FOXP4: variants seen among roughly 807,000 people sequenced by gnomAD.
FOXP4 encodes forkhead box P4, also known as forkhead box protein P4.
Under a neutral mutation model 82.6 loss-of-function variants are expected in FOXP4, and 25 were observed. The ratio of observed to expected loss-of-function variants is 0.30; its 90% CI spans 0.22 to 0.42. FOXP4 has a LOEUF of 0.42. Ranked by LOEUF, FOXP4 falls within the 10% of genes least tolerant of loss-of-function variation. The pLI is 1.00. For missense variants in FOXP4, 785 were observed against 900.9 expected (o/e 0.87, Z 1.65); for synonymous variants, 415 against 388.2 (o/e 1.07, Z -0.81).
At position 41,598,917 on chromosome 6, in the gene FOXP4, C is replaced by A; in HGVS notation, c.2024C>A (p.Pro675Gln). ...GACAGGGACCTGGAGGAGGAGCTGCCGGGAGAAGAACTGTCCTAAGGGCCT... is the reference window on the plus strand; with the variant it reads ...GACAGGGACCTGGAGGAGGAGCTGCAGGGAGAAGAACTGTCCTAAGGGCCT... Reference protein sequence around the residue: ...PEDRDLEEELPGEELS With the variant: ...PEDRDLEEELQGEELS The change falls in exon 17 of 17, where the codon CCG becomes CAG. Residue 675 changes from proline to glutamine, a missense_variant. Physicochemically the swap from Pro to Gln is moderately conservative, Grantham distance 76. Transcript: ENST00000307972. 3 of 1,607,820 alleles carry A rather than the reference C, an allele frequency of 1.9e-6. No homozygotes were observed. The highest frequency in any genetic ancestry group is 2.5e-6 in the Non-Finnish European group (3 of 1,178,140).
At chr6:41,566,698 A>T (rs1764900241) in intron 2 of FOXP4, among the ~76,000 whole-genome samples, 1 of 152,222 alleles carries the variant, frequency 6.6e-6, no homozygotes, top group Non-Finnish European at 1.5e-5. Context: ...GTCATGCTCA[A>T]CAAGTTGAGG....
At chr6:41,573,843 T>A (rs1262902810) in intron 2 of FOXP4, among the ~76,000 whole-genome samples, 3 of 152,126 alleles carry the variant, frequency 2.0e-5, no homozygotes, top group Admixed American at 6.5e-5. Context: ...AGATCTCTCT[T>A]GACGTCCATG....
intron 1 of FOXP4, among the ~76,000 whole-genome samples, chr6:41,549,346 A>G (rs533635418): frequency 2.0e-4 from 30 of 152,208 alleles, no homozygotes; most frequent in African/African-American, 7.2e-4. Flanking sequence ...AGCATTTGCA[A>G]AGGGTCCCAC....
intron 1 of FOXP4, among the ~76,000 whole-genome samples, chr6:41,560,982 C>T (rs557815662): frequency 6.6e-6 from 1 of 152,314 alleles, no homozygotes; most frequent in Admixed American, 6.5e-5. Context: ...TCGTCACTTC[C>T]GGCCAGGGAG....
At chr6:41,567,698 T>C (rs1226412334) in intron 2 of FOXP4, among the ~76,000 whole-genome samples, 1 of 152,214 alleles carries the variant, frequency 6.6e-6, no homozygotes, top group Non-Finnish European at 1.5e-5. Flanking sequence ...TCTGGATAAC[T>C]GGGGAAATGT....
At chr6:41,572,005 T>C (rs894527232) in intron 2 of FOXP4, among the ~76,000 whole-genome samples, 1 of 152,186 alleles carries the variant, frequency 6.6e-6, no homozygotes, top group Non-Finnish European at 1.5e-5. Context: ...CAGCAGTAAG[T>C]ATCTACCCCG....
chr6:41,588,302 CGT>C (rs1766282210), intron 8 of FOXP4, among the ~76,000 whole-genome samples: 1 of 152,174 alleles, frequency 6.6e-6, no homozygotes, highest in African/African-American at 2.4e-5. Context: ...CTGCCACAGC[CGT>C]GCCAGGCTCT....
At position 41,600,496 on chromosome 6, in the gene FOXP4, A is replaced by T. The variant is rs1033722726; in HGVS notation, c.*1560A>T. ...AAGACTCCTTGGATATTTCCCAAGA[A>T]CCCCCCACATACACCCCTCACAAGC... is the stretch of plus-strand genomic sequence containing the variant. On this transcript the variant is annotated 3_prime_UTR_variant, in exon 17 of 17. Transcript: ENST00000307972. 6.6e-6 allele frequency: 1 copy of T among 151,076 alleles called. No homozygotes were observed. Among genetic ancestry groups the T allele is most frequent in the Admixed American group, 6.6e-5 (1 of 15,166 alleles). The allele number at this position is 151,076 out of a possible 1,614,324, so 9.4% of individuals were successfully genotyped here. A position where few individuals can be genotyped will look rare whatever the true frequency, so the allele number is the denominator to read the frequency against.
intron 1 of FOXP4, among the ~76,000 whole-genome samples, chr6:41,554,125 A>G (rs890266583): frequency 6.6e-5 from 10 of 152,172 alleles, no homozygotes; most frequent in Admixed American, 3.3e-4. Flanking sequence ...TTCTCCAGGC[A>G]GTGGTAATTA....
intron 9 of FOXP4, 143 bp downstream of exon 9, chr6:41,588,874 T>A (rs988683930): frequency 1.1e-6 from 1 of 899,364 alleles, no homozygotes; most frequent in Non-Finnish European, 1.7e-6. Flanking sequence ...GCTTTCTAGG[T>A]CCTAATGACC....
intron 3 of FOXP4, 54 bp downstream of exon 3, chr6:41,578,135 C>A: frequency 1.3e-6 from 2 of 1,485,154 alleles, no homozygotes; most frequent in Non-Finnish European, 1.9e-6. Flanking sequence ...GTGGGCCTGG[C>A]ACAGAGGGAG....
At chr6:41,597,309 C>A in intron 15 of FOXP4, 67 bp downstream of exon 15, 2 of 1,506,500 alleles carry the variant, frequency 1.3e-6, no homozygotes. Context: ...TACAAGAGAC[C>A]CCCATCCTCC....
rs752352374 is a variant in FOXP4 at position 41,584,795 on chromosome 6, G to A, written c.327G>A (p.Ser109=). The A allele has an allele frequency of 1.0e-5, 16 of 1,598,008 alleles. No individual in the cohort carries two copies. The South Asian group carries it at 1.2e-4, about 12-fold the overall frequency. ...VQVPVSVAMM[S]PQMLTPQQMQ... ...TGCCTGTGTCGGTGGCCATGATGTC[G>A]CCGCAGATGCTTACCCCGCAACAGA... The change falls in exon 4 of 17, where the codon TCG becomes TCA. Residue 109 remains serine, a synonymous_variant. Coordinates refer to ENST00000307972, the MANE Select transcript of FOXP4 (RefSeq NM_001012426.2).
chr6:41,596,667 G>A (rs1057172529), intron 14 of FOXP4, among the ~76,000 whole-genome samples: 8 of 152,074 alleles, frequency 5.3e-5, no homozygotes, highest in East Asian at 1.9e-4. Context: ...ACACCTTCCC[G>A]TGCAGAGAAG....
chr6:41,589,453 C>A (rs117886915), intron 9 of FOXP4, among the ~76,000 whole-genome samples: 25 of 152,360 alleles, frequency 1.6e-4, no homozygotes, highest in Non-Finnish European at 2.5e-4. Flanking sequence ...TGGCCGCCCC[C>A]CCGTGGGTGG....
intron 7 of FOXP4, 65 bp from the exon 8 acceptor site, chr6:41,587,728 G>C: frequency 1.7e-6 from 2 of 1,156,868 alleles, no homozygotes. Context: ...CTGGTGCTCA[G>C]CTGACTACAG....
intron 2 of FOXP4, among the ~76,000 whole-genome samples, chr6:41,575,061 C>T (rs895617715): frequency 6.6e-6 from 1 of 152,140 alleles, no homozygotes; most frequent in Non-Finnish European, 1.5e-5. Context: ...CTCCACCTCC[C>T]GGGTTCACGC....
At chr6:41,586,798 G>C (rs985955952) in intron 5 of FOXP4, among the ~76,000 whole-genome samples, 1 of 151,592 alleles carries the variant, frequency 6.6e-6, no homozygotes, top group Non-Finnish European at 1.5e-5. Context: ...GCGCGCGTGC[G>C]TGCGTGCGTG....
rs759987649 is a variant in FOXP4, at chr6:41,578,542, C to G, written c.300+461C>G. Among the ~76,000 whole-genome samples, 130 of 152,136 alleles carry G rather than the reference C, an allele frequency of 8.5e-4. 1 individual carries two copies. The highest frequency in any genetic ancestry group is 3.4e-3 in the Middle Eastern group (1 of 294). ...AGTCCCCCCTTCTCTTATCCTCCCC[C>G]CTTATCCCTCATCCACCAGCTCTCT... On this transcript the variant is annotated intron_variant, in intron 3 of 16. Coordinates refer to ENST00000307972, the MANE Select transcript of FOXP4 (RefSeq NM_001012426.2).
Sources: allele counts gnomAD v4.1 joint callset (sites outside exome capture counted in the v4.1 genomes callset), GRCh38; gene constraint gnomAD v4.1.1; transcripts MANE v1.5; gene names NCBI Gene and HGNC (gene_info 2026-07-23, HGNC 2026-07-21).